The following GFRA2 variants were observed in gnomAD, a reference collection of about 807,000 sequenced individuals.
GFRA2 encodes the protein GDNF family receptor alpha-2.
In GFRA2, 17 loss-of-function variants were observed where a neutral mutation model predicts 48.3. That is an observed-to-expected ratio of 0.35 (90% CI 0.24 to 0.53). GFRA2 has a LOEUF of 0.53. Among genes scored for constraint, GFRA2 ranks in the 20% least tolerant of loss-of-function variants. The pLI is 0.93. For synonymous variants in GFRA2, 305 were observed against 257.2 expected (o/e 1.19, Z -1.78); for missense variants, 660 against 637.3 (o/e 1.04, Z -0.38).
At chr8:21,775,176 G>A in intron 2 of GFRA2, 121 bp from the exon 3 acceptor site, 1 of 659,716 alleles carries the variant, frequency 1.5e-6, no homozygotes, top group Non-Finnish European at 2.8e-6. Flanking sequence ...CAAAGGATAA[G>A]AGACAGGGCA....
At chr8:21,793,355 G>A (rs760399553), upstream of GFRA2, among the ~76,000 whole-genome samples, 1 of 152,132 alleles carries the variant, frequency 6.6e-6, no homozygotes, top group African/African-American at 2.4e-5. Context: ...GGTAATGAGG[G>A]TCCAACAGGG....
intron 1 of GFRA2, among the ~76,000 whole-genome samples, chr8:21,809,612 C>A (rs1171110886): frequency 6.6e-6 from 1 of 152,194 alleles, no homozygotes; most frequent in Non-Finnish European, 1.5e-5. Context: ...CAGGCGTGAG[C>A]CACCGCGCCC....
intron 7 of GFRA2, among the ~76,000 whole-genome samples, chr8:21,698,309 C>T (rs1033194585): frequency 2.6e-5 from 4 of 152,208 alleles, no homozygotes; most frequent in Non-Finnish European, 5.9e-5. Context: ...TTGCAGATGG[C>T]ACTGGGGGAA....
intron 4 of GFRA2, among the ~76,000 whole-genome samples, chr8:21,739,662 C>A (rs1283594237): frequency 1.3e-5 from 2 of 152,144 alleles, no homozygotes; most frequent in African/African-American, 4.8e-5. Flanking sequence ...TGCCTCCCCC[C>A]TGGGGATGCC....
At chr8:21,749,507 AC>A (rs1372061419) in intron 4 of GFRA2, among the ~76,000 whole-genome samples, 7 of 150,262 alleles carry the variant, frequency 4.7e-5, no homozygotes, top group African/African-American at 1.5e-4. Context: ...CCCATTCCTC[AC>A]CCTGACCCAT....
intron 4 of GFRA2, among the ~76,000 whole-genome samples, chr8:21,717,180 C>G (rs895462766): frequency 6.0e-4 from 92 of 152,274 alleles, no homozygotes; most frequent in African/African-American, 1.6e-3. Context: ...AGGAGCACTT[C>G]AAGGAGAGCA....
chr8:21,705,131 C>A lies in GFRA2; in HGVS notation c.905-6G>T. On this transcript the variant is annotated splice_region_variant and splice_polypyrimidine_tract_variant and intron_variant, in intron 5 of 8. Coordinates refer to ENST00000524240, the MANE Select transcript of GFRA2 (RefSeq NM_001495.5). ...GTTAGGTGTCATGTCAAACCCTGGGCAGGAAGAAAGGTGGGGGAGAGGAGA... is the reference window on the plus strand; with the variant it reads ...GTTAGGTGTCATGTCAAACCCTGGGAAGGAAGAAAGGTGGGGGAGAGGAGA... 1 of 1,606,310 alleles carries A rather than the reference C, an allele frequency of 6.2e-7. No homozygotes were observed. Among genetic ancestry groups the A allele is most frequent in the Non-Finnish European group, 8.5e-7 (1 of 1,176,814 alleles).
At position 21,693,087 on chromosome 8, in the gene GFRA2, C is replaced by A; in HGVS notation, c.*191G>T. The stretch of plus-strand genomic sequence containing the variant: ...CCTGGGCCAGCTCTCAGGCTGCCTG[C>A]CTGCTTGTCTGTTTGGTTTACAAAA... On this transcript the variant is annotated 3_prime_UTR_variant, in exon 9 of 9. Transcript: ENST00000524240. 2.2e-6 allele frequency: 1 copy of A among 451,296 alleles called. No homozygotes were observed. The highest frequency in any genetic ancestry group is 2.0e-5 in the African/African-American group (1 of 49,002). 28.0% of individuals were successfully genotyped at this position (451,296 alleles called of 1,614,324 possible).
At chr8:21,724,994 C>T (rs1269669351) in intron 4 of GFRA2, among the ~76,000 whole-genome samples, 2 of 152,224 alleles carry the variant, frequency 1.3e-5, no homozygotes, top group South Asian at 4.1e-4. Flanking sequence ...GGACACTGGC[C>T]TTCCCGGCTA....
intron 3 of GFRA2, among the ~76,000 whole-genome samples, chr8:21,774,737 A>G (rs1256089191): frequency 2.6e-5 from 4 of 152,206 alleles, no homozygotes; most frequent in African/African-American, 9.7e-5. Context: ...CTACTCCATG[A>G]CAGCCACCTG....
intron 4 of GFRA2, among the ~76,000 whole-genome samples, chr8:21,719,628 G>A (rs891035047): frequency 9.2e-5 from 14 of 152,190 alleles, no homozygotes; most frequent in Non-Finnish European, 1.6e-4. Context: ...ATTCAGTGAG[G>A]ATGACTTATT....
chr8:21,739,761 A>T (rs1319487779), intron 4 of GFRA2, among the ~76,000 whole-genome samples: 2 of 152,184 alleles, frequency 1.3e-5, no homozygotes, highest in Non-Finnish European at 2.9e-5. Flanking sequence ...TGCAGGAGCC[A>T]GGGGCACCTC....
rs961118301 is a variant in GFRA2 at position 21,712,881 on chromosome 8, C to T, written c.795-6840G>A. 1.3e-3 allele frequency among the ~76,000 whole-genome samples: 193 copies of T among 152,270 alleles called. 4 individuals are homozygous for T. The highest frequency in any genetic ancestry group is 4.4e-4 in the Non-Finnish European group (30 of 67,996). ...AACCAGTCAGGCGTGGCGGTGCACG[C>T]CTGCAATCGCAGGCACTCGGCAGGC... On this transcript the variant is annotated intron_variant, in intron 4 of 8. Coordinates refer to ENST00000524240, the MANE Select transcript of GFRA2 (RefSeq NM_001495.5).
At chr8:21,749,753 T>A (rs1253424257) in intron 4 of GFRA2, among the ~76,000 whole-genome samples, 1 of 151,094 alleles carries the variant, frequency 6.6e-6, no homozygotes, top group Non-Finnish European at 1.5e-5. Flanking sequence ...GAATGGGTCC[T>A]GGAGTCGGAC....
At chr8:21,751,080 A>C in intron 3 of GFRA2, 138 bp from the exon 4 acceptor site, 1 of 655,632 alleles carries the variant, frequency 1.5e-6, no homozygotes, top group Non-Finnish European at 2.7e-6. Context: ...CCCCTTTGCG[A>C]AATGGGGATC....
Position 21,691,769 on chromosome 8 carries a change from G to C in GFRA2, c.*1509C>G, listed in dbSNP as rs1215216583. ...TGGAGAAGTGAGCAAAGAGGGAACAGAACAGCCCACCAGGCTCAGCACAGC... is the reference window on the plus strand; with the variant it reads ...TGGAGAAGTGAGCAAAGAGGGAACACAACAGCCCACCAGGCTCAGCACAGC... On this transcript the variant is annotated 3_prime_UTR_variant, in exon 9 of 9. Transcript: ENST00000524240. The C allele has an allele frequency of 6.6e-6, 1 of 152,364 alleles. No individual in the cohort carries two copies. Among genetic ancestry groups the C allele is most frequent in the Admixed American group, 6.5e-5 (1 of 15,290 alleles). The allele number at this position is 152,364 out of a possible 1,614,324, so 9.4% of individuals were successfully genotyped here. A position where few individuals can be genotyped will look rare whatever the true frequency, so the allele number is the denominator to read the frequency against.
chr8:21,705,491 C>T (rs1298996633), intron 5 of GFRA2, among the ~76,000 whole-genome samples: 1 of 152,120 alleles, frequency 6.6e-6, no homozygotes, highest in Non-Finnish European at 1.5e-5. Context: ...GACCCCAGTG[C>T]CGATATTTAT....
At chr8:21,722,166 C>T (rs1233220600) in intron 4 of GFRA2, among the ~76,000 whole-genome samples, 1 of 152,164 alleles carries the variant, frequency 6.6e-6, no homozygotes, top group Non-Finnish European at 1.5e-5. Context: ...ATTAATTACA[C>T]ACCCCCATGC....
chr8:21,698,044 C>G (rs1240867411), intron 7 of GFRA2, among the ~76,000 whole-genome samples: 1 of 152,176 alleles, frequency 6.6e-6, no homozygotes, highest in East Asian at 1.9e-4. Context: ...GACGAATACA[C>G]AGAGGGGAGA....
Sources: allele counts gnomAD v4.1 joint callset (sites outside exome capture counted in the v4.1 genomes callset), GRCh38; gene constraint gnomAD v4.1.1; transcripts MANE v1.5; gene names NCBI Gene and HGNC (gene_info 2026-07-23, HGNC 2026-07-21).